Variants in MGAT4C observed in about 807,000 individuals in gnomAD.
MGAT4C encodes the protein alpha-1,3-mannosyl-glycoprotein 4-beta-N-acetylglucosaminyltransferase C.
Under a neutral mutation model 40.1 loss-of-function variants are expected in MGAT4C, and 19 were observed. The ratio of observed to expected loss-of-function variants is 0.47; its 90% CI spans 0.33 to 0.70. MGAT4C has a LOEUF of 0.70. Among genes scored for constraint, MGAT4C ranks in the 30% least tolerant of loss-of-function variants. The pLI is 0.02. For missense variants in MGAT4C, 491 were observed against 563.2 expected, an observed-to-expected ratio of 0.87 and a Z score of 1.30; for synonymous variants, 181 against 187.1, an observed-to-expected ratio of 0.97 and a Z score of 0.27.
In MGAT4C at chr12:86,129,714, T is replaced by C. The variant is rs1158794702; in HGVS notation, c.-56-79991A>G. Among the ~76,000 whole-genome samples the C allele has an allele frequency of 2.6e-4, 14 of 54,360 alleles. 6 individuals carry two copies. Among genetic ancestry groups the C allele is most frequent in the African/African-American group, 1.8e-3 (14 of 7,582 alleles). 35.7% of individuals were successfully genotyped at this position (54,360 alleles called of 152,430 possible). ...AGCTGGGACTACACGCGCCCGCCAC[T>C]ACGCCCGGCTAATTTTTTGTATTTT... On this transcript the variant is annotated intron_variant, in intron 1 of 4. Transcript: ENST00000611864.
rs538807961 is a variant in MGAT4C, at chr12:86,480,129, A to AT, written c.-228-44865dup. 3.3e-3 allele frequency among the ~76,000 whole-genome samples: 498 copies of AT among 151,876 alleles called. 2 individuals carry two copies. The highest frequency in any genetic ancestry group is 0.012 in the African/African-American group (481 of 41,538). Reference sequence around the variant, plus strand: ...TTTATTTGGAAGACACAGTCATATTATTTTTATTTTCTATAAAAGTTTTGG... The same window carrying AT: ...TTTATTTGGAAGACACAGTCATATTATTTTTTATTTTCTATAAAAGTTTTGG... On this transcript the variant is annotated intron_variant, in intron 2 of 7. Transcript: ENST00000548651.
intron 2 of MGAT4C, among the ~76,000 whole-genome samples, chr12:86,675,234 T>A (rs1964362884): frequency 6.6e-6 from 1 of 152,174 alleles, no homozygotes; most frequent in African/African-American, 2.4e-5. Flanking sequence ...TTTGGTCCCA[T>A]GGAAACATTT....
At chr12:86,452,718 A>G (rs1371924194) in intron 2 of MGAT4C, among the ~76,000 whole-genome samples, 2 of 152,098 alleles carry the variant, frequency 1.3e-5, no homozygotes, top group Admixed American at 1.3e-4. Context: ...ATGATCAAAC[A>G]CAGACTTTTA....
intron 2 of MGAT4C, among the ~76,000 whole-genome samples, chr12:86,492,730 G>A (rs2136324884): frequency 6.6e-6 from 1 of 152,276 alleles, no homozygotes; most frequent in East Asian, 1.9e-4. Flanking sequence ...TCAGGACATA[G>A]GCATGGGCAA....
At chr12:86,336,305 G>A (rs145899615) in intron 3 of MGAT4C, among the ~76,000 whole-genome samples, 121 of 152,202 alleles carry the variant, frequency 7.9e-4, no homozygotes, top group South Asian at 5.0e-3. Flanking sequence ...TTGTGTTTCA[G>A]TAGAGTTCAG....
intron 1 of MGAT4C, among the ~76,000 whole-genome samples, chr12:86,193,523 T>C (rs1329868859): frequency 6.6e-6 from 1 of 152,068 alleles, no homozygotes; most frequent in East Asian, 1.9e-4. Flanking sequence ...TTATTTTCCT[T>C]TGCAGGAAAA....
intron 2 of MGAT4C, among the ~76,000 whole-genome samples, chr12:86,501,580 T>C (rs1259288075): frequency 2.1e-5 from 3 of 143,908 alleles, no homozygotes; most frequent in Non-Finnish European, 4.5e-5. Flanking sequence ...CACTTATAAG[T>C]GAGAACATGC....
chr12:86,078,341 G>A (rs913702154), intron 1 of MGAT4C, among the ~76,000 whole-genome samples: 3 of 152,212 alleles, frequency 2.0e-5, no homozygotes, highest in East Asian at 3.8e-4. Context: ...CCATGAGCAT[G>A]AGCCCACTGC....
chr12:86,834,833 A>C (rs902259145), intron 1 of MGAT4C, among the ~76,000 whole-genome samples: 3 of 151,968 alleles, frequency 2.0e-5, no homozygotes, highest in African/African-American at 4.8e-5. Context: ...GTCAACAGAC[A>C]CTGTCTCTAA....
At chr12:86,225,165 G>A (rs542165767) in intron 1 of MGAT4C, among the ~76,000 whole-genome samples, 14 of 152,126 alleles carry the variant, frequency 9.2e-5, no homozygotes, top group African/African-American at 3.4e-4. Context: ...AGGAACAACT[G>A]TTATATGCTA....
chr12:86,040,772 G>T (rs574199752), intron 2 of MGAT4C, among the ~76,000 whole-genome samples: 5 of 152,240 alleles, frequency 3.3e-5, no homozygotes, highest in African/African-American at 1.2e-4. Flanking sequence ...CTCAGTGTCC[G>T]CCCAAACTGC....
At chr12:86,786,015 A>T (rs1266627726) in intron 1 of MGAT4C, among the ~76,000 whole-genome samples, 1 of 152,070 alleles carries the variant, frequency 6.6e-6, no homozygotes, top group Non-Finnish European at 1.5e-5. Context: ...TGCTTTGTCT[A>T]CAACACTATA....
At chr12:86,131,406 A>G (rs1208862117) in intron 1 of MGAT4C, among the ~76,000 whole-genome samples, 1 of 152,088 alleles carries the variant, frequency 6.6e-6, no homozygotes, top group Non-Finnish European at 1.5e-5. Context: ...ATATACTCAT[A>G]TTTGGACATT....
chr12:86,781,390 A>G (rs1169123428), intron 1 of MGAT4C, among the ~76,000 whole-genome samples: 1 of 152,124 alleles, frequency 6.6e-6, no homozygotes, highest in African/African-American at 2.4e-5. Flanking sequence ...GAGAGAACTC[A>G]GCACTCTTGA....
intron 2 of MGAT4C, among the ~76,000 whole-genome samples, chr12:86,475,632 T>A (rs1238904037): frequency 6.6e-6 from 1 of 152,020 alleles, no homozygotes; most frequent in African/African-American, 2.4e-5. Flanking sequence ...TTTCTTGATA[T>A]AATTAACATT....
intron 2 of MGAT4C, among the ~76,000 whole-genome samples, chr12:86,699,694 TTTATA>T (rs1360187288): frequency 6.6e-6 from 1 of 152,150 alleles, no homozygotes; most frequent in Non-Finnish European, 1.5e-5. Context: ...TAACTCATAT[TTTATA>T]TTATATCATG....
chr12:86,418,949 G>GA lies in MGAT4C; in HGVS notation c.-120+16207dup, dbSNP rs151039000. On this transcript the variant is annotated intron_variant, in intron 3 of 7. Transcript: ENST00000548651. ...AATATTCTGCTGAAATTATTTCCTA[G>GA]AAAAAATGCTCATATTTTTGTTTCA... is the stretch of plus-strand genomic sequence containing the variant. 9.4e-4 allele frequency among the ~76,000 whole-genome samples: 143 copies of GA among 152,102 alleles called. No homozygotes were observed. In the East Asian group the frequency reaches 0.021, roughly 22 times the overall value.
intron 1 of MGAT4C, among the ~76,000 whole-genome samples, chr12:86,168,301 G>C (rs1460200530): frequency 6.6e-6 from 1 of 152,098 alleles, no homozygotes; most frequent in Non-Finnish European, 1.5e-5. Flanking sequence ...TTAAATTACT[G>C]AATTACTTCT....
intron 1 of MGAT4C, among the ~76,000 whole-genome samples, chr12:86,769,784 A>G (rs1475457593): frequency 6.6e-6 from 1 of 152,074 alleles, no homozygotes; most frequent in Non-Finnish European, 1.5e-5. Flanking sequence ...CAAACACCGC[A>G]TGTTCTCACT....
Sources: gnomAD v4.1 joint callset for allele counts (sites outside exome capture counted in the v4.1 genomes callset) on GRCh38, gnomAD v4.1.1 for gene constraint, MANE v1.5 for transcripts, NCBI Gene and HGNC (gene_info 2026-07-23, HGNC 2026-07-21) for gene names.